FMNL2: variants seen among roughly 807,000 people sequenced by gnomAD.
FMNL2 encodes formin-like protein 2.
In FMNL2, 51 loss-of-function variants were observed where a neutral mutation model predicts 130.2. The ratio of observed to expected loss-of-function variants is 0.39; its 90% CI spans 0.31 to 0.49. FMNL2 has a LOEUF of 0.49. Ranked by LOEUF, FMNL2 falls within the 20% of genes least tolerant of loss-of-function variation. The probability of loss-of-function intolerance (pLI) is 0.85; values close to 1 mark genes in which losing one functional copy is unlikely to be tolerated. For synonymous variants in FMNL2, 465 were observed against 467.1 expected (o/e 1.00, Z 0.06); for missense variants, 977 against 1,316.2 (o/e 0.74, Z 3.99).
chr2:152,641,727 A>G (rs563239761), intron 25 of FMNL2, among the ~76,000 whole-genome samples: 1 of 152,292 alleles, frequency 6.6e-6, no homozygotes, highest in South Asian at 2.1e-4. Context: ...ACCTACCCCC[A>G]TATCCAACCC....
chr2:152,575,802 A>G lies in FMNL2; in HGVS notation c.705+558A>G, dbSNP rs150052342. Among the ~76,000 whole-genome samples the G allele has an allele frequency of 4.0e-3, 606 of 152,322 alleles. 1 individual carries two copies. The highest frequency in any genetic ancestry group is 0.013 in the African/African-American group (554 of 41,568). ...TCAAAGGGTTATATGGCAAACAGGCAAAAAGTTACAATTATTGACAGTTGG... is the reference window on the plus strand; with the variant it reads ...TCAAAGGGTTATATGGCAAACAGGCGAAAAGTTACAATTATTGACAGTTGG... On this transcript the variant is annotated intron_variant, in intron 7 of 25. Coordinates refer to ENST00000288670, the MANE Select transcript of FMNL2 (RefSeq NM_052905.4).
At position 152,617,075 on chromosome 2, in the gene FMNL2, T is replaced by C. The variant is rs73971919; in HGVS notation, c.1213-16T>C. The C allele has an allele frequency of 2.6e-3, 4,258 of 1,612,594 alleles. 100 individuals carry two copies. The African/African-American group carries it at 0.051, about 19-fold the overall frequency. ...TGATCCTGTATTGTGACAGCTTTCT[T>C]TTCAAAATTTTACAGTTATCTGAAA... On this transcript the variant is annotated splice_polypyrimidine_tract_variant and intron_variant, in intron 12 of 25. Transcript: ENST00000288670.
intron 1 of FMNL2, among the ~76,000 whole-genome samples, chr2:152,371,730 G>T (rs1422144501): frequency 6.6e-6 from 1 of 151,868 alleles, no homozygotes; most frequent in Non-Finnish European, 1.5e-5. Flanking sequence ...TTGATAAGTG[G>T]GGTCCTGAGG....
Position 152,398,108 on chromosome 2 carries a change from G to C in FMNL2, c.117+62388G>C, listed in dbSNP as rs568500775. 2.3e-4 allele frequency among the ~76,000 whole-genome samples: 35 copies of C among 152,240 alleles called. 1 individual carries two copies. In the South Asian group the frequency reaches 6.6e-3, roughly 29 times the overall value. The stretch of plus-strand genomic sequence containing the variant: ...CCGCTGCACTCCAGCCTGGGCAACA[G>C]AGTGAGACTCCATCTCGAAAAAAAA... On this transcript the variant is annotated intron_variant, in intron 1 of 25. Coordinates refer to ENST00000288670, the MANE Select transcript of FMNL2 (RefSeq NM_052905.4).
chr2:152,611,930 G>A (rs1036934610), intron 11 of FMNL2, among the ~76,000 whole-genome samples: 126 of 152,072 alleles, frequency 8.3e-4, no homozygotes, highest in South Asian at 1.2e-3. Context: ...CTGGGCTATT[G>A]GGCAATTTGT....
At chr2:152,371,608 G>T (rs1486914889) in intron 1 of FMNL2, among the ~76,000 whole-genome samples, 1 of 148,214 alleles carries the variant, frequency 6.7e-6, no homozygotes, top group Non-Finnish European at 1.5e-5. Context: ...GGCAGAGGTT[G>T]CAGTGAGCAG....
At chr2:152,631,809 A>AAGTC (rs1385906585) in intron 20 of FMNL2, among the ~76,000 whole-genome samples, 199 bp from the exon 21 acceptor site, 5 of 152,166 alleles carry the variant, frequency 3.3e-5, no homozygotes, top group African/African-American at 1.2e-4. Flanking sequence ...CCTGGTTGGA[A>AAGTC]AGTCCTTGAG....
At chr2:152,431,965 T>TAAAAAAAAAAAAAAAAAAAA (rs60639670) in intron 1 of FMNL2, among the ~76,000 whole-genome samples, 7 of 82,152 alleles carry the variant, frequency 8.5e-5, no homozygotes, top group African/African-American at 3.2e-4. Context: ...ACCCTATCTT[T>TAAAAAAAAAAAAAAAAAAAA]AAAAAAAAAA....
intron 10 of FMNL2, among the ~76,000 whole-genome samples, chr2:152,610,426 A>T (rs1698615973): frequency 6.6e-6 from 1 of 152,150 alleles, no homozygotes; most frequent in Non-Finnish European, 1.5e-5. Context: ...CCCCCCCAGA[A>T]AAAAGTCCTG....
intron 15 of FMNL2, among the ~76,000 whole-genome samples, 183 bp downstream of exon 15, chr2:152,619,901 C>T (rs1208093175): frequency 6.6e-6 from 1 of 151,994 alleles, no homozygotes; most frequent in East Asian, 1.9e-4. Context: ...GCACTTTGCT[C>T]TGAGTAGTCT....
chr2:152,433,093 A>G (rs553418400), intron 1 of FMNL2, among the ~76,000 whole-genome samples: 66 of 152,274 alleles, frequency 4.3e-4, no homozygotes, highest in African/African-American at 1.5e-3. Context: ...TCCAGGACCT[A>G]ATAGGCGCTG....
intron 12 of FMNL2, 113 bp from the exon 13 acceptor site, chr2:152,616,978 G>T: frequency 1.3e-6 from 1 of 793,896 alleles, no homozygotes; most frequent in East Asian, 2.6e-5. Context: ...AACAACTTGC[G>T]GAACACATGC....
intron 1 of FMNL2, among the ~76,000 whole-genome samples, chr2:152,363,415 G>C (rs1683295579): frequency 6.6e-6 from 1 of 152,138 alleles, no homozygotes. Flanking sequence ...TTCGTTTGGA[G>C]TTTCCTTTGG....
At chr2:152,453,984 G>GT (rs1229362533) in intron 1 of FMNL2, among the ~76,000 whole-genome samples, 29 of 152,308 alleles carry the variant, frequency 1.9e-4, no homozygotes, top group African/African-American at 5.5e-4. Flanking sequence ...AGATTTATAT[G>GT]TTTTCTGGCT....
intron 2 of FMNL2, among the ~76,000 whole-genome samples, chr2:152,526,455 G>T (rs1693390269): frequency 6.6e-6 from 1 of 152,068 alleles, no homozygotes; most frequent in Non-Finnish European, 1.5e-5. Flanking sequence ...CAAGTTCCAG[G>T]CTTTGATTCT....
intron 1 of FMNL2, among the ~76,000 whole-genome samples, chr2:152,398,311 C>T (rs577893662): frequency 7.9e-5 from 12 of 152,176 alleles, no homozygotes; most frequent in African/African-American, 2.2e-4. Context: ...ATGAGTTACA[C>T]GACTTAAGGC....
At chr2:152,579,957 T>C (rs1696689513) in intron 8 of FMNL2, among the ~76,000 whole-genome samples, 1 of 152,252 alleles carries the variant, frequency 6.6e-6, no homozygotes, top group South Asian at 2.1e-4. Flanking sequence ...AAAATCTGTT[T>C]ATAAATTAGC....
chr2:152,435,133 A>G (rs1436880446), intron 1 of FMNL2, among the ~76,000 whole-genome samples: 3 of 152,110 alleles, frequency 2.0e-5, no homozygotes. Context: ...TTTTTGACTC[A>G]GATACCTGTA....
Position 152,438,308 on chromosome 2 carries a change from C to T in FMNL2, c.118-83635C>T, listed in dbSNP as rs141259246. 9.3e-4 allele frequency among the ~76,000 whole-genome samples: 142 copies of T among 152,306 alleles called. 1 individual carries two copies. Among genetic ancestry groups the T allele is most frequent in the African/African-American group, 3.3e-3 (139 of 41,580 alleles). ...TCCAGAATCAAAATCAATTGGTCAG[C>T]TTCACCTGGTAGCTAGAAGTAAAAG... is the stretch of plus-strand genomic sequence containing the variant. On this transcript the variant is annotated intron_variant, in intron 1 of 25. Coordinates refer to ENST00000288670, the MANE Select transcript of FMNL2 (RefSeq NM_052905.4).
Sources: gnomAD v4.1 joint callset for allele counts (sites outside exome capture counted in the v4.1 genomes callset) on GRCh38, gnomAD v4.1.1 for gene constraint, MANE v1.5 for transcripts, NCBI Gene and HGNC (gene_info 2026-07-23, HGNC 2026-07-21) for gene names.